PCDH9: variants seen among roughly 807,000 people sequenced by gnomAD.
The protein encoded by PCDH9 is protocadherin-9.
PCDH9 carries 24 observed loss-of-function variants against 70.6 expected under a neutral mutation model. That is an observed-to-expected ratio of 0.34 (90% CI 0.25 to 0.48). The LOEUF (loss-of-function observed/expected upper bound fraction) is 0.48, where lower values mean the gene tolerates loss of function less well. PCDH9 is among the 20% of genes least tolerant of loss of function. The pLI, the probability that PCDH9 is intolerant of heterozygous loss-of-function variation, is 0.99. For synonymous variants in PCDH9, 562 were observed against 558.5 expected (o/e 1.01, Z -0.09); for missense variants, 1,281 against 1,503.6 (o/e 0.85, Z 2.45).
rs549022410 is a variant in PCDH9 at position 66,579,521 on chromosome 13, A to C, written c.3340+51689T>G. ...GAAAAATGGATTTTCGATGCTGACA[A>C]TTTTGCTGTGAGCCTGGATATCTGA... On this transcript the variant is annotated intron_variant, in intron 4 of 4. Coordinates refer to ENST00000377865, the MANE Select transcript of PCDH9 (RefSeq NM_203487.3). Among the ~76,000 whole-genome samples, 3 of 152,204 alleles carry C rather than the reference A, an allele frequency of 2.0e-5. No individual in the cohort carries two copies. In the South Asian group the frequency reaches 6.2e-4, roughly 32 times the overall value.
At chr13:67,051,045 T>C (rs573287067) in intron 2 of PCDH9, among the ~76,000 whole-genome samples, 3 of 152,264 alleles carry the variant, frequency 2.0e-5, no homozygotes, top group African/African-American at 7.2e-5. Context: ...TTGAATTATA[T>C]TAATGGCCAC....
intron 4 of PCDH9, among the ~76,000 whole-genome samples, chr13:66,587,317 A>C (rs563036911): frequency 5.3e-5 from 8 of 152,200 alleles, no homozygotes; most frequent in African/African-American, 1.7e-4. Context: ...AAAACAAAAC[A>C]AAACAAAAAG....
chr13:66,787,448 T>C (rs986495360), intron 3 of PCDH9, among the ~76,000 whole-genome samples: 1 of 151,848 alleles, frequency 6.6e-6, no homozygotes, highest in African/African-American at 2.4e-5. Context: ...AAAGCCCATG[T>C]CTACTAAAAA....
At chr13:67,141,170 A>T (rs1193742597) in intron 2 of PCDH9, among the ~76,000 whole-genome samples, 1 of 152,234 alleles carries the variant, frequency 6.6e-6, no homozygotes, top group Non-Finnish European at 1.5e-5. Flanking sequence ...CTTACGATAG[A>T]CAAAAATAAA....
intron 2 of PCDH9, among the ~76,000 whole-genome samples, chr13:67,144,545 T>C (rs1467626497): frequency 6.6e-6 from 1 of 152,150 alleles, no homozygotes; most frequent in Non-Finnish European, 1.5e-5. Context: ...ATTAAATGTG[T>C]AAAACATTAG....
At chr13:66,428,791 C>T (rs1344034526) in intron 4 of PCDH9, among the ~76,000 whole-genome samples, 2 of 151,362 alleles carry the variant, frequency 1.3e-5, no homozygotes, top group African/African-American at 4.9e-5. Flanking sequence ...CTTGGTATGC[C>T]ACTTATTTAA....
chr13:67,022,659 C>T (rs1299985914), intron 2 of PCDH9, among the ~76,000 whole-genome samples: 1 of 152,186 alleles, frequency 6.6e-6, no homozygotes, highest in Non-Finnish European at 1.5e-5. Context: ...AACAGTATCT[C>T]GCACTTCCAG....
At chr13:66,619,981 C>T (rs2077402995) in intron 4 of PCDH9, among the ~76,000 whole-genome samples, 1 of 152,150 alleles carries the variant, frequency 6.6e-6, no homozygotes, top group Admixed American at 6.5e-5. Context: ...TTTCTAGTTC[C>T]AAATAATCTT....
intron 4 of PCDH9, among the ~76,000 whole-genome samples, chr13:66,583,603 G>T (rs1424823308): frequency 6.6e-6 from 1 of 150,506 alleles, no homozygotes; most frequent in African/African-American, 2.4e-5. Context: ...GACAGAGTGA[G>T]ACTCCCTCTC....
intron 3 of PCDH9, among the ~76,000 whole-genome samples, chr13:66,764,076 G>C (rs1193326060): frequency 4.6e-5 from 7 of 151,958 alleles, no homozygotes; most frequent in African/African-American, 1.7e-4. Flanking sequence ...TGGTATTTCA[G>C]GTGTGAGCCA....
intron 4 of PCDH9, among the ~76,000 whole-genome samples, chr13:66,573,265 C>CT (rs57530466): frequency 0.033 from 4,052 of 121,094 alleles, 91 homozygotes; most frequent in Middle Eastern, 0.059. Flanking sequence ...CATTTACCTA[C>CT]TTTTTTTTTT....
chr13:66,886,293 G>T (rs1566266903), intron 3 of PCDH9, among the ~76,000 whole-genome samples: 1 of 152,158 alleles, frequency 6.6e-6, no homozygotes, highest in African/African-American at 2.4e-5. Context: ...AAAAGGAAGA[G>T]AACATTGGGT....
intron 2 of PCDH9, among the ~76,000 whole-genome samples, chr13:67,090,395 G>A (rs1467212908): frequency 2.0e-5 from 3 of 151,904 alleles, no homozygotes; most frequent in Admixed American, 6.6e-5. Flanking sequence ...TTTTATTACC[G>A]AATACATGTT....
At chr13:66,934,015 C>T (rs777051890) in intron 2 of PCDH9, among the ~76,000 whole-genome samples, 16 of 151,928 alleles carry the variant, frequency 1.1e-4, no homozygotes, top group Non-Finnish European at 2.2e-4. Context: ...TCAATGTCGG[C>T]ATTTATATAA....
intron 4 of PCDH9, among the ~76,000 whole-genome samples, chr13:66,477,848 T>C (rs1299542869): frequency 2.0e-5 from 3 of 152,196 alleles, no homozygotes; most frequent in Non-Finnish European, 2.9e-5. Context: ...CTTGGCTTAT[T>C]TTGCATAAAC....
chr13:67,112,882 CTAATTTTTTG>C (rs2086685409), intron 2 of PCDH9, among the ~76,000 whole-genome samples: 1 of 152,020 alleles, frequency 6.6e-6, no homozygotes, highest in Non-Finnish European at 1.5e-5. Flanking sequence ...CCACACCTGG[CTAATTTTTTG>C]TAATTTTTTG....
At chr13:67,102,502 C>T (rs943313275) in intron 2 of PCDH9, among the ~76,000 whole-genome samples, 1 of 151,966 alleles carries the variant, frequency 6.6e-6, no homozygotes, top group African/African-American at 2.4e-5. Context: ...TCAAAAGGTG[C>T]TCTAAATGAT....
intron 4 of PCDH9, among the ~76,000 whole-genome samples, chr13:66,336,181 G>C (rs1956034239): frequency 6.6e-6 from 1 of 151,962 alleles, no homozygotes; most frequent in Non-Finnish European, 1.5e-5. Flanking sequence ...TGTTGACTTT[G>C]TCAATGTAAG....
intron 4 of PCDH9, among the ~76,000 whole-genome samples, chr13:66,510,482 G>A (rs1024530992): frequency 1.3e-5 from 2 of 152,126 alleles, no homozygotes; most frequent in East Asian, 3.9e-4. Flanking sequence ...TTTACATTAG[G>A]TATATCTCCT....
Sources: allele counts gnomAD v4.1 joint callset (sites outside exome capture counted in the v4.1 genomes callset), GRCh38; gene constraint gnomAD v4.1.1; transcripts MANE v1.5; gene names NCBI Gene and HGNC (gene_info 2026-07-23, HGNC 2026-07-21).